The following GRK2 variants were observed in gnomAD, a reference collection of about 807,000 sequenced individuals.
GRK2 encodes the protein G protein-coupled receptor kinase 2, also known as adrenergic beta receptor kinase 1.
In GRK2, 23 loss-of-function variants were observed where a neutral mutation model predicts 97.8. The observed-to-expected ratio is 0.24, with a 90% confidence interval of 0.17 to 0.33. GRK2 has a LOEUF of 0.33. GRK2 is among the 10% of genes least tolerant of loss of function. GRK2 has a pLI of 1.00. For missense variants in GRK2, 633 were observed against 956.9 expected (o/e 0.66, Z 4.47); for synonymous variants, 425 against 381.7 (o/e 1.11, Z -1.32).
intron 1 of GRK2, among the ~76,000 whole-genome samples, chr11:67,275,215 CCCGGGAGTCCACTGCAGCCCTT>C (rs1254436414): frequency 6.6e-6 from 1 of 152,194 alleles, no homozygotes; most frequent in African/African-American, 2.4e-5. Flanking sequence ...GGGGCCGAGG[CCCGGGAGTCCACTGCAGCCCTT>C]CCTGGAAGGA....
intron 17 of GRK2, 46 bp downstream of exon 17, chr11:67,283,995 C>A (rs940456207): frequency 2.6e-6 from 4 of 1,525,450 alleles, no homozygotes; most frequent in Admixed American, 1.9e-5. Flanking sequence ...GTGATCCTGG[C>A]CTGGGGAAGG....
At chr11:67,270,466 G>A (rs373042469) in intron 1 of GRK2, among the ~76,000 whole-genome samples, 11 of 149,998 alleles carry the variant, frequency 7.3e-5, no homozygotes, top group South Asian at 2.1e-4. Flanking sequence ...CTGTTCCTCC[G>A]CTGCCTCGTT....
At chr11:67,271,732 C>G (rs1341940200) in intron 1 of GRK2, among the ~76,000 whole-genome samples, 1 of 152,198 alleles carries the variant, frequency 6.6e-6, no homozygotes, top group African/African-American at 2.4e-5. Flanking sequence ...GGCCAGCTGG[C>G]TTTTTCTCTC....
intron 1 of GRK2, among the ~76,000 whole-genome samples, chr11:67,267,798 C>G (rs1859829618): frequency 6.6e-6 from 1 of 152,188 alleles, no homozygotes; most frequent in Admixed American, 6.5e-5. Flanking sequence ...GTGGCGAGGA[C>G]AGGTGTGGTT....
chr11:67,279,477 C>A lies in GRK2; in HGVS notation c.324C>A (p.Ile108=). The part of the protein sequence containing the change: ...EEERVARSRE[I]FDSYIMKELL... ...AGCGTGTGGCCCGCAGCCGGGAGAT[C>A]TTCGACTCATACATCATGAAGGAGC... The change falls in exon 4 of 21, where the codon ATC becomes ATA. Residue 108 remains isoleucine (I), a synonymous_variant. Transcript: ENST00000308595. 6.2e-7 allele frequency: 1 copy of A among 1,613,336 alleles called. No individual in the cohort carries two copies. The highest frequency in any genetic ancestry group is 8.5e-7 in the Non-Finnish European group (1 of 1,180,026).
chr11:67,274,084 C>T (rs1859969771), intron 1 of GRK2, among the ~76,000 whole-genome samples: 1 of 146,516 alleles, frequency 6.8e-6, no homozygotes, highest in African/African-American at 2.5e-5. Flanking sequence ...ACGATTTTGG[C>T]TCACTGCAAC....
At position 67,286,373 on chromosome 11, in the gene GRK2, C is replaced by T. The variant is rs761403750; in HGVS notation, c.*923C>T. 205 of 698,888 alleles carry T rather than the reference C, an allele frequency of 2.9e-4. No individual in the cohort carries two copies. Among genetic ancestry groups the T allele is most frequent in the East Asian group, 2.4e-4 (9 of 37,190 alleles). 43.3% of individuals were successfully genotyped at this position (698,888 alleles called of 1,614,324 possible). ...CTGTCAGTGCCGCCGCCTCGCCCAC[C>T]GCATGCCCCCTCGTGCCAGTCGCGC... On this transcript the variant is annotated 3_prime_UTR_variant, in exon 21 of 21. Transcript: ENST00000308595.
At chr11:67,267,890 C>T (rs1214137351) in intron 1 of GRK2, among the ~76,000 whole-genome samples, 3 of 152,244 alleles carry the variant, frequency 2.0e-5, no homozygotes, top group Non-Finnish European at 2.9e-5. Context: ...TCCCAGGTGG[C>T]ACCTGGCCAA....
At position 67,282,980 on chromosome 11, in the gene GRK2, C is replaced by G. The variant is rs944494313; in HGVS notation, c.1228-148C>G. The G allele has an allele frequency of 8.8e-7, 1 of 1,142,346 alleles. No individual in the cohort carries two copies. Among genetic ancestry groups the G allele is most frequent in the Non-Finnish European group, 1.3e-6 (1 of 776,662 alleles). 70.8% of individuals were successfully genotyped at this position (1,142,346 alleles called of 1,614,324 possible). On this transcript the variant is annotated intron_variant, in intron 14 of 20. Coordinates refer to ENST00000308595, the MANE Select transcript of GRK2 (RefSeq NM_001619.5). This position sits in a 1 kb window ranked among gnomAD's most constrained non-coding sequence, Gnocchi z 6.9. The stretch of plus-strand genomic sequence containing the variant: ...CTGCCCCATAGGCTCTCGCCCTCCC[C>G]GTGCTGTTGGAGCATGACTGCTGGG...
chr11:67,279,183 T>TA lies in GRK2; in HGVS notation c.191-16dup, dbSNP rs779213846. The TA allele has an allele frequency of 8.1e-6, 13 of 1,610,694 alleles. No homozygotes were observed. The South Asian group carries it at 1.4e-4, about 18-fold the overall frequency. ...TGAGAGAGGCGTGGCTCTGTGACCT[T>TA]ACACTGTTGCCTTCAGGGTACCTGC... On this transcript the variant is annotated splice_polypyrimidine_tract_variant and intron_variant, in intron 2 of 20. Coordinates refer to ENST00000308595, the MANE Select transcript of GRK2 (RefSeq NM_001619.5).
In GRK2 at chr11:67,284,293, T is replaced by C. The variant is rs1230280834; in HGVS notation, c.1574T>C (p.Val525Ala). 4 of 1,613,410 alleles carry C rather than the reference T, an allele frequency of 2.5e-6. No individual in the cohort carries two copies. Among genetic ancestry groups the C allele is most frequent in the Non-Finnish European group, 3.4e-6 (4 of 1,179,978 alleles). Residue 525 changes from valine to alanine, a missense_variant, in exon 18 of 21, where the codon GTC becomes GCC. Physicochemically the swap from Val to Ala is moderately conservative, Grantham distance 64. Around this residue, in one of 4 missense-constraint regions of GRK2, gnomAD observed 180 missense variants for 311.3 expected, o/e 0.58. Coordinates refer to ENST00000308595, the MANE Select transcript of GRK2 (RefSeq NM_001619.5). ...ERWQQEVAET[V>A]FDTINAETDR... is the part of the protein sequence containing the mutation. Reference sequence around the variant, plus strand: ...TGGCAGCAGGAGGTGGCAGAGACTGTCTTCGACACCATCAACGCTGAGACA... The same window carrying C: ...TGGCAGCAGGAGGTGGCAGAGACTGCCTTCGACACCATCAACGCTGAGACA...
rs907917977 is a variant in GRK2, at chr11:67,269,689, G to A, written c.113+2877G>A. On this transcript the variant is annotated intron_variant, in intron 1 of 20. Coordinates refer to ENST00000308595, the MANE Select transcript of GRK2 (RefSeq NM_001619.5). The surrounding 1 kb of genome is among the most constrained non-coding windows in gnomAD (Gnocchi z 4.1). ...GTCTTCCCCATACCCACAAGGTCAA[G>A]GTCAGAGTCAGGGAGAGGGGCTGTG... 6.6e-6 allele frequency among the ~76,000 whole-genome samples: 1 copy of A among 152,242 alleles called. No homozygotes were observed. The highest frequency in any genetic ancestry group is 2.4e-5 in the African/African-American group (1 of 41,462).
chr11:67,284,089 C>A, intron 17 of GRK2, 122 bp from the exon 18 acceptor site: 1 of 1,476,294 alleles, frequency 6.8e-7, no homozygotes, highest in South Asian at 1.2e-5. Flanking sequence ...GCCAACTTCC[C>A]TGGGGGGTGG....
intron 1 of GRK2, chr11:67,277,039 T>A: frequency 2.3e-6 from 1 of 433,898 alleles, no homozygotes; most frequent in South Asian, 3.3e-5. Flanking sequence ...GGGGGCCACC[T>A]GCCGGCCACC....
chr11:67,274,041 C>T (rs1251754995), intron 1 of GRK2, among the ~76,000 whole-genome samples: 3 of 134,356 alleles, frequency 2.2e-5, no homozygotes, highest in Non-Finnish European at 4.6e-5. Flanking sequence ...GAGACAGAGT[C>T]TCACTCTGTC....
intron 1 of GRK2, among the ~76,000 whole-genome samples, chr11:67,268,357 C>CT (rs1261150084): frequency 2.0e-4 from 30 of 151,422 alleles, no homozygotes; most frequent in African/African-American, 6.1e-4. Flanking sequence ...CCGTTAGGGC[C>CT]TTTTTTTTTC....
rs1565067119 is a variant in GRK2, at chr11:67,281,394, C to T, written c.648-65C>T. The T allele has an allele frequency of 4.1e-6, 6 of 1,463,398 alleles. No individual in the cohort carries two copies. Among genetic ancestry groups the T allele is most frequent in the South Asian group, 3.4e-5 (3 of 87,750 alleles). 90.7% of individuals were successfully genotyped at this position (1,463,398 alleles called of 1,614,324 possible). ...TGGGTCTAGTCTTTCCCTCAAGCGC[C>T]CCCTGAGGCAGCCCTGGGCCCCTGC... On this transcript the variant is annotated intron_variant, in intron 8 of 20. Transcript: ENST00000308595. This position sits in a 1 kb window ranked among gnomAD's most constrained non-coding sequence, Gnocchi z 5.7.
At chr11:67,270,736 C>T (rs1859889028) in intron 1 of GRK2, among the ~76,000 whole-genome samples, 1 of 152,210 alleles carries the variant, frequency 6.6e-6, no homozygotes, top group African/African-American at 2.4e-5. Context: ...AGGAATGGGT[C>T]TCTGGGATGT....
Position 67,282,047 on chromosome 11 carries a change from T to A in GRK2, c.957+95T>A. ...ACCAGGCCCAGAGGAGTGGGGCTCC[T>A]GGGACATGGCCGCCCCGTATCTTCC... On this transcript the variant is annotated intron_variant, in intron 11 of 20. Transcript: ENST00000308595. The surrounding 1 kb of genome is among the most constrained non-coding windows in gnomAD (Gnocchi z 6.9). 1 of 1,532,584 alleles carries A rather than the reference T, an allele frequency of 6.5e-7. No individual in the cohort carries two copies. The highest frequency in any genetic ancestry group is 2.3e-5 in the East Asian group (1 of 44,178). 94.9% of individuals were successfully genotyped at this position (1,532,584 alleles called of 1,614,324 possible). A position where few individuals can be genotyped will look rare whatever the true frequency, so the allele number is the denominator to read the frequency against.
Sources: gnomAD v4.1 joint callset for allele counts (sites outside exome capture counted in the v4.1 genomes callset) on GRCh38, gnomAD v4.1.1 for gene constraint, gnomAD v4.1.1 regional missense constraint, Gnocchi (gnomAD v3.1) non-coding constraint, MANE v1.5 for transcripts, NCBI Gene and HGNC (gene_info 2026-07-23, HGNC 2026-07-21) for gene names.